ALDH9A1: variants seen among roughly 807,000 people sequenced by gnomAD.
ALDH9A1 encodes the protein 4-trimethylaminobutyraldehyde dehydrogenase.
A neutral mutation model predicts 56.6 loss-of-function variants in ALDH9A1; 42 were observed. The ratio of observed to expected loss-of-function variants is 0.74; its 90% CI spans 0.58 to 0.96. The LOEUF (loss-of-function observed/expected upper bound fraction) is 0.96. Ranked by LOEUF, ALDH9A1 falls within the 40% of genes least tolerant of loss-of-function variation. The pLI, the probability that ALDH9A1 is intolerant of heterozygous loss-of-function variation, is 0.00. For synonymous variants in ALDH9A1, 242 were observed against 236.0 expected (o/e 1.03, Z -0.23); for missense variants, 661 against 651.5 (o/e 1.01, Z -0.16).
chr1:165,691,570 G>C (rs146402797), intron 2 of ALDH9A1, among the ~76,000 whole-genome samples: 2 of 152,244 alleles, frequency 1.3e-5, no homozygotes, highest in East Asian at 3.9e-4. Context: ...TCAGAAGATC[G>C]GTAATAACAA....
chr1:165,671,799 T>A lies in ALDH9A1; in HGVS notation c.931-2349A>T, dbSNP rs915523107. On this transcript the variant is annotated intron_variant, in intron 6 of 10. Coordinates refer to ENST00000354775, the MANE Select transcript of ALDH9A1 (RefSeq NM_000696.4). ...CAAACAAAAAAAAAAGAATGCAACA[T>A]TTCCTTTTAGAGAGGGATTTGGCAA... 11 of 245,164 alleles carry A rather than the reference T, an allele frequency of 4.5e-5. No homozygotes were observed. The Admixed American group carries it at 6.1e-4, about 14-fold the overall frequency. The allele number at this position is 245,164 out of a possible 1,614,324, so 15.2% of individuals were successfully genotyped here.
At chr1:165,671,519 C>A in intron 6 of ALDH9A1, 1 of 459,314 alleles carries the variant, frequency 2.2e-6, no homozygotes, top group East Asian at 5.9e-5. Context: ...AGGGACCGCT[C>A]CTAATCTCCC....
intron 9 of ALDH9A1, among the ~76,000 whole-genome samples, chr1:165,666,462 CT>C (rs2101734141): frequency 6.6e-6 from 1 of 152,238 alleles, no homozygotes; most frequent in East Asian, 1.9e-4. Context: ...AGTTACCCGC[CT>C]TTGTAACCGG....
chr1:165,691,216 A>G (rs988258479), intron 2 of ALDH9A1, among the ~76,000 whole-genome samples: 2 of 152,182 alleles, frequency 1.3e-5, no homozygotes, highest in Admixed American at 1.3e-4. Context: ...TTGCTGTTCT[A>G]CAGCCTCCGC....
chr1:165,678,211 G>A (rs1649430137), intron 6 of ALDH9A1, among the ~76,000 whole-genome samples: 1 of 151,794 alleles, frequency 6.6e-6, no homozygotes, highest in South Asian at 2.1e-4. Flanking sequence ...GCGGGCACCT[G>A]TAATCCCAGC....
At position 165,682,976 on chromosome 1, in the gene ALDH9A1, C is replaced by T. The variant is rs1170757443; in HGVS notation, c.457+5G>A. 3 of 1,613,588 alleles carry T rather than the reference C, an allele frequency of 1.9e-6. No homozygotes were observed. The highest frequency in any genetic ancestry group is 1.7e-6 in the Non-Finnish European group (2 of 1,179,736). On this transcript the variant is annotated splice_donor_5th_base_variant and intron_variant, in intron 3 of 10. Transcript: ENST00000354775. ...GCTGGTCACAGACACCAGGTGAGGA[C>T]TTACCAGCCATGGATGCAGCCAAGC...
intron 2 of ALDH9A1, among the ~76,000 whole-genome samples, chr1:165,690,209 T>TTATATG (rs1266054232): frequency 1.3e-5 from 2 of 150,144 alleles, no homozygotes; most frequent in Non-Finnish European, 3.0e-5. Flanking sequence ...TATATGTGTT[T>TTATATG]TATATGTATA....
rs1340551915 is a variant in ALDH9A1, at chr1:165,673,048, C to G, written c.931-3598G>C. Among the ~76,000 whole-genome samples, 3 of 140,562 alleles carry G rather than the reference C, an allele frequency of 2.1e-5. No homozygotes were observed. In the East Asian group the frequency reaches 6.6e-4, roughly 31 times the overall value. The allele number at this position is 140,562 out of a possible 152,430, so 92.2% of individuals were successfully genotyped here. ...TGGTAAATTTTACATTAGGCTTTAC[C>G]ATACACACAAAAAAATCATCACAAT... On this transcript the variant is annotated intron_variant, in intron 6 of 10. Coordinates refer to ENST00000354775, the MANE Select transcript of ALDH9A1 (RefSeq NM_000696.4).
rs1403197706 is a variant in ALDH9A1 at position 165,662,280 on chromosome 1, A to C, written c.*770T>G. 1 of 152,252 alleles carries C rather than the reference A, an allele frequency of 6.6e-6. No individual in the cohort carries two copies. Among genetic ancestry groups the C allele is most frequent in the African/African-American group, 2.4e-5 (1 of 41,460 alleles). The allele number at this position is 152,252 out of a possible 1,614,324, so 9.4% of individuals were successfully genotyped here. Reference sequence around the variant, plus strand: ...ACATTAGCATACAAATAATTTGTACATTTAAAGGGTAGCTCCACTGGTGTA... The same window carrying C: ...ACATTAGCATACAAATAATTTGTACCTTTAAAGGGTAGCTCCACTGGTGTA... On this transcript the variant is annotated 3_prime_UTR_variant, in exon 11 of 11. Coordinates refer to ENST00000354775, the MANE Select transcript of ALDH9A1 (RefSeq NM_000696.4).
At chr1:165,688,064 C>G (rs1649769579) in intron 2 of ALDH9A1, among the ~76,000 whole-genome samples, 1 of 152,030 alleles carries the variant, frequency 6.6e-6, no homozygotes, top group Admixed American at 6.5e-5. Flanking sequence ...CACGTACAGT[C>G]CCAGCACTTT....
At chr1:165,667,198 A>C (rs931907189) in intron 9 of ALDH9A1, 111 bp downstream of exon 9, 1 of 1,404,374 alleles carries the variant, frequency 7.1e-7, no homozygotes, top group Non-Finnish European at 9.6e-7. Flanking sequence ...GAAAGTGCTG[A>C]TGGCTCCTAT....
At position 165,669,007 on chromosome 1, in the gene ALDH9A1, T is replaced by C. The variant is rs1161071480; in HGVS notation, c.1126A>G (p.Lys376Glu). 3.1e-6 allele frequency: 5 copies of C among 1,595,176 alleles called. No individual in the cohort carries two copies. The Admixed American group carries it at 9.2e-5, about 29-fold the overall frequency. Reference protein sequence around the residue: ...FVKVAKEQGAKVLCGGDIYVP... With the variant: ...FVKVAKEQGAEVLCGGDIYVP... ...TATATATCTCCACCACATAACACTT[T>C]AGCACCCTGCCGAAAAGGAAAAAAG... The change falls in exon 8 of 11, where the codon AAA becomes GAA. Residue 376 changes from lysine to glutamate, a missense_variant. By Grantham distance (56) the Lys-to-Glu change is moderately conservative. Transcript: ENST00000354775.
At chr1:165,683,404 C>A (rs1364310776) in intron 2 of ALDH9A1, among the ~76,000 whole-genome samples, 1 of 152,186 alleles carries the variant, frequency 6.6e-6, no homozygotes, top group Non-Finnish European at 1.5e-5. Context: ...CCCTCTGAGG[C>A]TCTGAAAGTC....
chr1:165,676,853 G>GC, intron 6 of ALDH9A1: 1 of 290,522 alleles, frequency 3.4e-6, no homozygotes, highest in Non-Finnish European at 6.5e-6. Flanking sequence ...GAGAAGTGTG[G>GC]TGTCCTCTCC....
Position 165,663,021 on chromosome 1 carries a change from G to A in ALDH9A1, c.*29C>T, listed in dbSNP as rs751994395. ...CCAATTCACATCATTCCACAGCGTG[G>A]CCATGTCAATAGGTTTCACTGCAGG... On this transcript the variant is annotated 3_prime_UTR_variant, in exon 11 of 11. Transcript: ENST00000354775. The A allele has an allele frequency of 1.3e-6, 2 of 1,577,758 alleles. No homozygotes were observed. Among genetic ancestry groups the A allele is most frequent in the Non-Finnish European group, 8.7e-7 (1 of 1,146,996 alleles).
At chr1:165,677,692 A>G (rs1649407538) in intron 6 of ALDH9A1, among the ~76,000 whole-genome samples, 1 of 151,926 alleles carries the variant, frequency 6.6e-6, no homozygotes, top group Non-Finnish European at 1.5e-5. Context: ...CCTCATCTCT[A>G]CTAAAAACAC....
chr1:165,674,289 T>C (rs1466653754), intron 6 of ALDH9A1, among the ~76,000 whole-genome samples: 26 of 147,014 alleles, frequency 1.8e-4, no homozygotes, highest in Non-Finnish European at 1.6e-4. Context: ...TTTATTCCTT[T>C]ACTTTCTTAA....
intron 2 of ALDH9A1, among the ~76,000 whole-genome samples, chr1:165,695,012 T>C (rs1650024509): frequency 6.6e-6 from 1 of 151,636 alleles, no homozygotes; most frequent in Admixed American, 6.6e-5. Flanking sequence ...GAGTGCATTA[T>C]AATTCAAAAC....
At chr1:165,682,671 A>C (rs1558008668) in intron 3 of ALDH9A1, among the ~76,000 whole-genome samples, 1 of 152,222 alleles carries the variant, frequency 6.6e-6, no homozygotes, top group Non-Finnish European at 1.5e-5. Context: ...TAAATAGATA[A>C]AACTGGTAAA....
Sources: gnomAD v4.1 joint callset for allele counts (sites outside exome capture counted in the v4.1 genomes callset) on GRCh38, gnomAD v4.1.1 for gene constraint, MANE v1.5 for transcripts, NCBI Gene and HGNC (gene_info 2026-07-23, HGNC 2026-07-21) for gene names.